The following PAK1 variants were observed in gnomAD, a reference collection of about 807,000 sequenced individuals.
The protein encoded by PAK1 is p21 (RAC1) activated kinase 1.
A neutral mutation model predicts 67.4 loss-of-function variants in PAK1; 29 were observed. The observed-to-expected ratio is 0.43, with a 90% confidence interval of 0.32 to 0.59. PAK1 has a LOEUF of 0.59. Ranked by LOEUF, PAK1 falls within the 20% of genes least tolerant of loss-of-function variation. The pLI is 0.07. For missense variants in PAK1, 337 were observed against 670.7 expected, an observed-to-expected ratio of 0.50 and a Z score of 5.50; for synonymous variants, 223 against 237.4, an observed-to-expected ratio of 0.94 and a Z score of 0.56.
intron 12 of PAK1, among the ~76,000 whole-genome samples, chr11:77,336,711 T>C (rs1223303313): frequency 6.6e-6 from 1 of 152,138 alleles, no homozygotes; most frequent in African/African-American, 2.4e-5. Context: ...CATGGCCCTG[T>C]TTTTATGCCC....
chr11:77,325,119 A>G (rs887795657), intron 14 of PAK1, among the ~76,000 whole-genome samples: 4 of 152,216 alleles, frequency 2.6e-5, no homozygotes, highest in African/African-American at 9.6e-5. Context: ...CTCAGATCAC[A>G]TGTTTCTGCA....
At chr11:77,446,137 A>G (rs560435284) in intron 1 of PAK1, among the ~76,000 whole-genome samples, 12 of 152,292 alleles carry the variant, frequency 7.9e-5, no homozygotes, top group African/African-American at 2.6e-4. Flanking sequence ...GATAATAAAT[A>G]TAATATTTGT....
At chr11:77,498,691 A>ATT in the PAK1 span, among the ~76,000 whole-genome samples, 4,249 of 72,006 alleles carry the variant, frequency 0.059, 1,144 homozygotes, top group East Asian at 0.11. Context: ...CTTGCTTGTA[A>ATT]TTTTTTTTTT....
chr11:77,417,125 G>C (rs1487759889), intron 1 of PAK1, among the ~76,000 whole-genome samples: 1 of 152,104 alleles, frequency 6.6e-6, no homozygotes, highest in Non-Finnish European at 1.5e-5. Flanking sequence ...TGTGATTATA[G>C]TATTCCTAGG....
chr11:77,505,808 G>A, the PAK1 span, among the ~76,000 whole-genome samples: 1 of 152,180 alleles, frequency 6.6e-6, no homozygotes, highest in Non-Finnish European at 1.5e-5. Context: ...ATCATCTGTT[G>A]ATGGGGGCTT....
At chr11:77,511,168 G>C in the PAK1 span, among the ~76,000 whole-genome samples, 11 of 152,164 alleles carry the variant, frequency 7.2e-5, no homozygotes, top group East Asian at 2.1e-3. Flanking sequence ...TTCTTGCAAG[G>C]GTTGAGGAAG....
At chr11:77,340,251 CTGTTT>C (rs1427267304) in intron 11 of PAK1, among the ~76,000 whole-genome samples, 4 of 152,062 alleles carry the variant, frequency 2.6e-5, no homozygotes. Context: ...CCTTCTTACT[CTGTTT>C]TATTTTCCTT....
rs185255562 is a variant in PAK1, at chr11:77,337,970, C to T, written c.1117-547G>A. On this transcript the variant is annotated intron_variant, in intron 11 of 14. Coordinates refer to ENST00000356341, the MANE Select transcript of PAK1 (RefSeq NM_002576.5). ...TATGATAAATTATGGTAAATATTTA[C>T]AAGTCATTTGGGAAGAGATGATTTT... Among the ~76,000 whole-genome samples, 454 of 152,162 alleles carry T rather than the reference C, an allele frequency of 3.0e-3. 5 individuals are homozygous for T. Among genetic ancestry groups the T allele is most frequent in the African/African-American group, 0.011 (441 of 41,516 alleles).
chr11:77,360,782 G>A (rs950859059), intron 5 of PAK1, among the ~76,000 whole-genome samples: 1 of 152,180 alleles, frequency 6.6e-6, no homozygotes, highest in African/African-American at 2.4e-5. Context: ...AAGGGTCTAA[G>A]TTAAGTCTCA....
At chr11:77,420,052 T>C (rs1419907816) in intron 1 of PAK1, among the ~76,000 whole-genome samples, 2 of 152,188 alleles carry the variant, frequency 1.3e-5, no homozygotes, top group Non-Finnish European at 2.9e-5. Context: ...CAAAGTATAC[T>C]TGAATTTCAA....
At chr11:77,520,976 A>T in the PAK1 span, among the ~76,000 whole-genome samples, 2 of 152,096 alleles carry the variant, frequency 1.3e-5, no homozygotes, top group Non-Finnish European at 2.9e-5. Context: ...AGGCCAAGGG[A>T]GTGGGAGTAT....
At chr11:77,485,263 G>A in the PAK1 span, among the ~76,000 whole-genome samples, 1 of 152,144 alleles carries the variant, frequency 6.6e-6, no homozygotes, top group Non-Finnish European at 1.5e-5. Context: ...TACCACAACA[G>A]GGTGACTATA....
the PAK1 span, among the ~76,000 whole-genome samples, chr11:77,488,162 T>G: frequency 6.6e-6 from 1 of 152,206 alleles, no homozygotes; most frequent in African/African-American, 2.4e-5. Flanking sequence ...CTGCATCTTA[T>G]CGAAGACCAC....
chr11:77,392,431 A>G lies in PAK1; in HGVS notation c.90T>C (p.Asp30=), dbSNP rs1464774795. ...TSTMIGAGSK[D]AGTLNHGSKP... ...TAGAACCATGGTTTAGGGTTCCAGC[A>G]TCTTTGCTGCCGGCTCCAATCATAG... is the stretch of plus-strand genomic sequence containing the variant. The change falls in exon 2 of 15, where the codon GAT becomes GAC. Residue 30 remains aspartate (D), a synonymous_variant. Transcript: ENST00000356341. The G allele has an allele frequency of 1.2e-6, 2 of 1,613,930 alleles. No individual in the cohort carries two copies. The highest frequency in any genetic ancestry group is 2.7e-5 in the African/African-American group (2 of 74,910).
At chr11:77,505,468 G>A in the PAK1 span, among the ~76,000 whole-genome samples, 11 of 152,314 alleles carry the variant, frequency 7.2e-5, no homozygotes, top group East Asian at 7.7e-4. Context: ...GATTACAGGC[G>A]TAAGGTAACA....
intron 13 of PAK1, among the ~76,000 whole-genome samples, chr11:77,334,226 AT>A (rs1299916089): frequency 6.6e-6 from 1 of 152,140 alleles, no homozygotes. Flanking sequence ...GTCTAGGATC[AT>A]TCTGTCTTAT....
intron 1 of PAK1, among the ~76,000 whole-genome samples, chr11:77,419,838 C>G (rs1214197113): frequency 6.6e-6 from 1 of 152,078 alleles, no homozygotes; most frequent in Admixed American, 6.6e-5. Context: ...GTTAAGGTCA[C>G]TTACTGTGGA....
intron 1 of PAK1, among the ~76,000 whole-genome samples, chr11:77,409,428 T>C (rs1479289024): frequency 6.6e-6 from 1 of 152,188 alleles, no homozygotes; most frequent in East Asian, 1.9e-4. Flanking sequence ...ACTATCATGA[T>C]TCAGCAATTC....
chr11:77,332,069 G>A (rs572718220), intron 14 of PAK1, among the ~76,000 whole-genome samples: 69 of 151,788 alleles, frequency 4.5e-4, no homozygotes, highest in Non-Finnish European at 6.8e-4. Context: ...TTGGGAAAGC[G>A]AAGTGCGCAG....
Sources: gnomAD v4.1 joint callset for allele counts (sites outside exome capture counted in the v4.1 genomes callset) on GRCh38, gnomAD v4.1.1 for gene constraint, MANE v1.5 for transcripts, NCBI Gene and HGNC (gene_info 2026-07-23, HGNC 2026-07-21) for gene names.